CEP170B: variants seen among roughly 807,000 people sequenced by gnomAD.
CEP170B encodes centrosomal protein of 170 kDa protein B.
A neutral mutation model predicts 120.6 loss-of-function variants in CEP170B; 55 were observed. The ratio of observed to expected loss-of-function variants is 0.46; its 90% CI spans 0.37 to 0.57. The LOEUF (loss-of-function observed/expected upper bound fraction) is 0.57, where lower values mean the gene tolerates loss of function less well. CEP170B is among the 20% of genes least tolerant of loss of function. The pLI is 0.00. For missense variants in CEP170B, 2,212 were observed against 2,253.3 expected (o/e 0.98, Z 0.37); for synonymous variants, 1,033 against 954.5 (o/e 1.08, Z -1.52).
At position 104,893,421 on chromosome 14, in the gene CEP170B, G is replaced by A. The variant is rs572728126; in HGVS notation, c.4039-102G>A. The A allele has an allele frequency of 3.6e-6, 5 of 1,384,100 alleles. No individual in the cohort carries two copies. The Admixed American group carries it at 8.5e-5, about 24-fold the overall frequency. The allele number at this position is 1,384,100 out of a possible 1,614,324, so 85.7% of individuals were successfully genotyped here. A position where few individuals can be genotyped will look rare whatever the true frequency, so the allele number is the denominator to read the frequency against. ...GAGGGACCTTGCACAGACGGAAGGT[G>A]GGTGTGCTCTGTCCACCTGCCGGGC... On this transcript the variant is annotated intron_variant, in intron 14 of 18. Transcript: ENST00000414716.
At chr14:104,871,487 C>T (rs955192885) in intron 2 of CEP170B, among the ~76,000 whole-genome samples, 1 of 151,984 alleles carries the variant, frequency 6.6e-6, no homozygotes, top group African/African-American at 2.4e-5. Context: ...GACCTTCCTG[C>T]CCTGGAACCT....
In CEP170B at chr14:104,886,893, A is replaced by C. The variant is rs1050596278; in HGVS notation, c.2654A>C (p.His885Pro). Residue 885 changes from histidine to proline, a missense_variant, in exon 12 of 19, where the codon CAC (histidine) becomes CCC (proline). By Grantham distance (77) the His-to-Pro change is moderately conservative. Around this residue, in one of 2 missense-constraint regions of CEP170B, gnomAD observed 2,166 missense variants for 2,166.7 expected, o/e 1.00. Transcript: ENST00000414716. Reference sequence around the variant, plus strand: ...CCCCCAGCGCCCGGCAAGCCCCCCCACATCTCCAGCCACCCGCTTCTACAG... The same window carrying C: ...CCCCCAGCGCCCGGCAAGCCCCCCCCCATCTCCAGCCACCCGCTTCTACAG... The part of the protein sequence containing the change: ...SGPPAPGKPP[H>P]ISSHPLLQDL... 4 of 1,610,068 alleles carry C rather than the reference A, an allele frequency of 2.5e-6. No homozygotes were observed. The highest frequency in any genetic ancestry group is 1.1e-5 in the South Asian group (1 of 91,068).
At chr14:104,885,209 G>C (rs546090540) in intron 9 of CEP170B, among the ~76,000 whole-genome samples, 160 bp from the exon 10 acceptor site, 2 of 152,062 alleles carry the variant, frequency 1.3e-5, no homozygotes, top group African/African-American at 4.8e-5. Flanking sequence ...TATCCCATCC[G>C]CATGTCCTGC....
intron 12 of CEP170B, 137 bp from the exon 13 acceptor site, chr14:104,889,483 T>C: frequency 1.3e-6 from 2 of 1,534,502 alleles, no homozygotes; most frequent in South Asian, 2.4e-5. Flanking sequence ...CTTTGTTCTG[T>C]TCTTGCTTCT....
rs1319974172 is a variant in CEP170B, at chr14:104,868,633, C to G, written c.105+78C>G. 2.2e-6 allele frequency: 3 copies of G among 1,361,392 alleles called. No individual in the cohort carries two copies. Among genetic ancestry groups the G allele is most frequent in the Non-Finnish European group, 3.0e-6 (3 of 999,266 alleles). 84.3% of individuals were successfully genotyped at this position (1,361,392 alleles called of 1,614,324 possible). On this transcript the variant is annotated intron_variant, in intron 2 of 18. Coordinates refer to ENST00000414716, the MANE Select transcript of CEP170B (RefSeq NM_001112726.3). The surrounding 1 kb of genome is among the most constrained non-coding windows in gnomAD (Gnocchi z 5.9). ...TGTGGAGGCCAGGAAGGTGCCCACC[C>G]CACTTGCTGCAGGCCACCCTGGCGA...
At chr14:104,880,472 A>G in intron 6 of CEP170B, 47 bp downstream of exon 6, 2 of 1,592,884 alleles carry the variant, frequency 1.3e-6, no homozygotes, top group Non-Finnish European at 1.7e-6. Context: ...GGCCACTGCC[A>G]GGCCCTCTGC....
Position 104,887,781 on chromosome 14 carries a change from C to T in CEP170B, c.3542C>T (p.Thr1181Ile). 1 of 1,585,240 alleles carries T rather than the reference C, an allele frequency of 6.3e-7. No individual in the cohort carries two copies. The highest frequency in any genetic ancestry group is 1.1e-5 in the South Asian group (1 of 87,424). ...AMPRKRAGSFTGTSDPEAAPA... is the reference protein window; with the variant it reads ...AMPRKRAGSFIGTSDPEAAPA... ...CCCCGGAAGCGGGCCGGCTCCTTCA[C>T]AGGGACTAGTGACCCCGAGGCAGCC... Residue 1181 changes from threonine (T) to isoleucine (I), a missense_variant, in exon 12 of 19, where the codon ACA (threonine) becomes ATA (isoleucine). By Grantham distance (89) the Thr-to-Ile change is moderately conservative (BLOSUM62 -1). Around this residue, in one of 2 missense-constraint regions of CEP170B, gnomAD observed 2,166 missense variants for 2,166.7 expected, o/e 1.00. Coordinates refer to ENST00000414716, the MANE Select transcript of CEP170B (RefSeq NM_001112726.3).
Position 104,883,280 on chromosome 14 carries a change from G to A in CEP170B, c.823G>A (p.Asp275Asn), listed in dbSNP as rs1023025789. Residue 275 changes from aspartate (D) to asparagine (N), a missense_variant, in exon 8 of 19, where the codon GAC becomes AAC. Transcript: ENST00000414716. ...SHASFTIEFD[D>N]CSPGKMKIKD... is the part of the protein sequence containing the mutation. ...CGCCTCCTTCACCATCGAGTTTGAT[G>A]ACTGCAGCCCTGGCAAGATGAAGAT... 8.1e-6 allele frequency: 13 copies of A among 1,611,884 alleles called. No homozygotes were observed. The highest frequency in any genetic ancestry group is 1.3e-5 in the African/African-American group (1 of 74,752).
rs1353065269 is a variant in CEP170B at position 104,883,899 on chromosome 14, G to A, written c.1120G>A (p.Gly374Arg). 6.3e-7 allele frequency: 1 copy of A among 1,590,260 alleles called. No individual in the cohort carries two copies. Among genetic ancestry groups the A allele is most frequent in the African/African-American group, 1.3e-5 (1 of 74,608 alleles). Residue 374 changes from glycine (G) to arginine (R), a missense_variant, in exon 9 of 19, where the codon GGG becomes AGG. By Grantham distance (125) the Gly-to-Arg change is moderately radical (BLOSUM62 -2). Coordinates refer to ENST00000414716, the MANE Select transcript of CEP170B (RefSeq NM_001112726.3). The stretch of plus-strand genomic sequence containing the variant: ...CCTGGCCAAGGCGGCCTCGGCCGCT[G>A]GGGTGCCCTTGGAGGCCAGCGGGGA... ...DPLAKAASAA[G>R]VPLEASGEQV...
rs1897038010 is a variant in CEP170B at position 104,895,443 on chromosome 14, G to A, written c.*485G>A. 1 of 153,810 alleles carries A rather than the reference G, an allele frequency of 6.5e-6. No individual in the cohort carries two copies. Among genetic ancestry groups the A allele is most frequent in the South Asian group, 2.1e-4 (1 of 4,872 alleles). The allele number at this position is 153,810 out of a possible 1,614,324, so 9.5% of individuals were successfully genotyped here. On this transcript the variant is annotated 3_prime_UTR_variant, in exon 19 of 19. Coordinates refer to ENST00000414716, the MANE Select transcript of CEP170B (RefSeq NM_001112726.3). ...TCATTTGGTGCCAAACATGGAGGTG[G>A]GCAGGCTCACCTGTTCCTGGGACTG...
At chr14:104,893,244 C>T (rs1896936132) in intron 14 of CEP170B, 109 bp downstream of exon 14, 10 of 1,299,284 alleles carry the variant, frequency 7.7e-6, no homozygotes, top group Non-Finnish European at 8.3e-6. Flanking sequence ...GCTGCACATC[C>T]CCACTTGGCG....
intron 2 of CEP170B, among the ~76,000 whole-genome samples, chr14:104,874,574 A>G (rs1595317541): frequency 6.6e-6 from 1 of 151,276 alleles, no homozygotes; most frequent in Non-Finnish European, 1.5e-5. Context: ...TCCCCTTTAA[A>G]CCTCCCTGGC....
chr14:104,889,564 G>A (rs759880727), intron 12 of CEP170B, 56 bp from the exon 13 acceptor site: 5 of 1,602,216 alleles, frequency 3.1e-6, no homozygotes, highest in Non-Finnish European at 4.2e-6. Context: ...CCTCTGAGGA[G>A]GAGTACGGCT....
chr14:104,894,298 A>C lies in CEP170B; in HGVS notation c.4285A>C (p.Asn1429His). Residue 1429 changes from asparagine to histidine, a missense_variant, in exon 17 of 19, where the codon AAC becomes CAC. Asn to His is a moderately conservative substitution (Grantham distance 68). Around this residue, in one of 2 missense-constraint regions of CEP170B, gnomAD observed 2,166 missense variants for 2,166.7 expected, o/e 1.00. Transcript: ENST00000414716. ...TACCTCGGACAGGATCCTCTTTCAG[A>C]ACACAGGGAGAGCTTGGGAGGACCT... ...LAEKMKILFQ[N>H]TGRAWEDLEA... 6.2e-7 allele frequency: 1 copy of C among 1,613,278 alleles called. No homozygotes were observed. Among genetic ancestry groups the C allele is most frequent in the Non-Finnish European group, 8.5e-7 (1 of 1,179,682 alleles).
chr14:104,882,250 C>G (rs962615057), intron 6 of CEP170B, among the ~76,000 whole-genome samples: 1 of 152,224 alleles, frequency 6.6e-6, no homozygotes, highest in African/African-American at 2.4e-5. Flanking sequence ...GCTGCCCACC[C>G]CCAGGGCCAC....
rs187437760 is a variant in CEP170B at position 104,878,435 on chromosome 14, G to T, written c.275-8G>T. 2.5e-6 allele frequency: 4 copies of T among 1,612,368 alleles called. No homozygotes were observed. Among genetic ancestry groups the T allele is most frequent in the Non-Finnish European group, 2.5e-6 (3 of 1,179,544 alleles). On this transcript the variant is annotated splice_polypyrimidine_tract_variant and splice_region_variant and intron_variant, in intron 4 of 18. Transcript: ENST00000414716. Reference sequence around the variant, plus strand: ...TTCTGCTCTGTGTTCGCCTTAACACGTGTCCACATTCCAACATGTATGTGC... The same window carrying T: ...TTCTGCTCTGTGTTCGCCTTAACACTTGTCCACATTCCAACATGTATGTGC...
chr14:104,872,379 T>TGC lies in CEP170B; in HGVS notation c.105+3825_105+3826insCG, dbSNP rs1371906683. The stretch of plus-strand genomic sequence containing the variant: ...GTGTGCCGCGTGTGTGTGCCATGGG[T>TGC]GTGCATGTGTGCCGTGGGTGTGCGT... On this transcript the variant is annotated intron_variant, in intron 2 of 18. Coordinates refer to ENST00000414716, the MANE Select transcript of CEP170B (RefSeq NM_001112726.3). Among the ~76,000 whole-genome samples, 51 of 76,460 alleles carry TGC rather than the reference T, an allele frequency of 6.7e-4. 2 individuals carry two copies. Among genetic ancestry groups the TGC allele is most frequent in the African/African-American group, 1.8e-3 (46 of 24,988 alleles). The allele number at this position is 76,460 out of a possible 152,430, so 50.2% of individuals were successfully genotyped here.
chr14:104,880,498 C>G, intron 6 of CEP170B, 73 bp downstream of exon 6: 1 of 1,567,510 alleles, frequency 6.4e-7, no homozygotes, highest in Non-Finnish European at 8.6e-7. Flanking sequence ...ACCTGCCTCT[C>G]TGCACCCCTT....
chr14:104,873,656 T>C (rs1377659657), intron 2 of CEP170B, among the ~76,000 whole-genome samples: 1 of 151,836 alleles, frequency 6.6e-6, no homozygotes, highest in Non-Finnish European at 1.5e-5. Context: ...GGTCTGAGGC[T>C]AGGGGAGCAG....
Sources: gnomAD v4.1 joint callset for allele counts (sites outside exome capture counted in the v4.1 genomes callset) on GRCh38, gnomAD v4.1.1 for gene constraint, gnomAD v4.1.1 regional missense constraint, Gnocchi (gnomAD v3.1) non-coding constraint, MANE v1.5 for transcripts, NCBI Gene and HGNC (gene_info 2026-07-23, HGNC 2026-07-21) for gene names.